Variants in MAP6 observed in about 807,000 individuals in gnomAD.
MAP6 encodes the protein microtubule-associated protein 6.
A neutral mutation model predicts 42.4 loss-of-function variants in MAP6; 26 were observed. The observed-to-expected ratio is 0.61, with a 90% CI of 0.45 to 0.85. MAP6 has a LOEUF of 0.85. MAP6 is among the 40% of genes least tolerant of loss of function. The pLI is 0.00. For missense variants in MAP6, 966 were observed against 1,099.0 expected, an observed-to-expected ratio of 0.88 and a Z score of 1.71; for synonymous variants, 418 against 443.8, an observed-to-expected ratio of 0.94 and a Z score of 0.73.
intron 1 of MAP6, among the ~76,000 whole-genome samples, chr11:75,626,962 A>G (rs373969252): frequency 7.6e-4 from 116 of 152,378 alleles, no homozygotes; most frequent in African/African-American, 2.8e-3. Context: ...AACCACTGGC[A>G]GGAGGCGATG....
Position 75,605,187 on chromosome 11 carries a change from C to T in MAP6, c.1316+621G>A, listed in dbSNP as rs200322447. On this transcript the variant is annotated intron_variant, in intron 3 of 3. Coordinates refer to ENST00000304771, the MANE Select transcript of MAP6 (RefSeq NM_033063.2). ...GACTCGGTATACAATTTAAAGCCCA[C>T]TGATAGGAAGCTAAACACAGGCACA... is the stretch of plus-strand genomic sequence containing the variant. 95 of 985,458 alleles carry T rather than the reference C, an allele frequency of 9.6e-5. No homozygotes were observed. The African/African-American group carries it at 1.3e-3, about 13-fold the overall frequency. 61.0% of individuals were successfully genotyped at this position (985,458 alleles called of 1,614,324 possible).
At chr11:75,620,782 T>C (rs1943093897) in intron 1 of MAP6, among the ~76,000 whole-genome samples, 1 of 152,144 alleles carries the variant, frequency 6.6e-6, no homozygotes, top group African/African-American at 2.4e-5. Flanking sequence ...TAATACATCA[T>C]ACAGTAACAG....
At chr11:75,604,114 TC>T in intron 3 of MAP6, 7 of 985,898 alleles carry the variant, frequency 7.1e-6, no homozygotes, top group Non-Finnish European at 7.2e-6. Flanking sequence ...TACTTCTCCT[TC>T]CTCACAGTTT....
chr11:75,601,154 C>T (rs920825086), intron 3 of MAP6, among the ~76,000 whole-genome samples: 2 of 152,216 alleles, frequency 1.3e-5, no homozygotes, highest in African/African-American at 2.4e-5. Flanking sequence ...CTGCCTTCTC[C>T]ATTGCCCAAC....
intron 1 of MAP6, among the ~76,000 whole-genome samples, chr11:75,655,585 TGGA>T (rs1488009773): frequency 6.6e-6 from 1 of 152,226 alleles, no homozygotes; most frequent in Non-Finnish European, 1.5e-5. Flanking sequence ...GGCCTTGCCC[TGGA>T]GGAGAAGGGA....
At chr11:75,593,125 G>A (rs1942509864) in intron 3 of MAP6, among the ~76,000 whole-genome samples, 1 of 152,138 alleles carries the variant, frequency 6.6e-6, no homozygotes, top group African/African-American at 2.4e-5. Context: ...CTAATTCCTT[G>A]TATTCTTTTG....
intron 1 of MAP6, among the ~76,000 whole-genome samples, chr11:75,628,951 T>C (rs976129645): frequency 1.3e-5 from 2 of 152,208 alleles, no homozygotes; most frequent in African/African-American, 4.8e-5. Flanking sequence ...CCCTGCAAGA[T>C]AGAAGTTACT....
At chr11:75,598,048 A>G (rs946839916) in intron 3 of MAP6, among the ~76,000 whole-genome samples, 1 of 152,190 alleles carries the variant, frequency 6.6e-6, no homozygotes, top group Non-Finnish European at 1.5e-5. Context: ...AGGCCTGGGA[A>G]TCAGGTATCC....
intron 1 of MAP6, among the ~76,000 whole-genome samples, chr11:75,652,089 T>A (rs1172710399): frequency 6.6e-6 from 1 of 152,244 alleles, no homozygotes; most frequent in Non-Finnish European, 1.5e-5. Context: ...TTATAAAAGA[T>A]TCTATTCAAT....
intron 3 of MAP6, among the ~76,000 whole-genome samples, chr11:75,590,823 T>C (rs1276050100): frequency 1.3e-5 from 2 of 151,980 alleles, no homozygotes; most frequent in Non-Finnish European, 2.9e-5. Flanking sequence ...AAAAATTAGC[T>C]GGGTGTGGTG....
chr11:75,658,939 G>A (rs1385329127), intron 1 of MAP6, among the ~76,000 whole-genome samples: 1 of 152,124 alleles, frequency 6.6e-6, no homozygotes, highest in African/African-American at 2.4e-5. Flanking sequence ...ACCATGCCCT[G>A]CACAGATATT....
chr11:75,609,374 A>T (rs1942846720), intron 1 of MAP6, among the ~76,000 whole-genome samples: 1 of 152,130 alleles, frequency 6.6e-6, no homozygotes, highest in Admixed American at 6.5e-5. Context: ...GGGCATGAAT[A>T]TCTGTGGAGT....
In MAP6 at chr11:75,632,770, G is replaced by T. The variant is rs144539173; in HGVS notation, c.906-24448C>A. Among the ~76,000 whole-genome samples the T allele has an allele frequency of 2.0e-3, 307 of 152,216 alleles. 1 individual carries two copies. The highest frequency in any genetic ancestry group is 2.4e-3 in the Non-Finnish European group (163 of 68,010). On this transcript the variant is annotated intron_variant, in intron 1 of 3. Transcript: ENST00000304771. ...GAAATTAGAGTCATCTATCCATCCAGCCAGCCAGCCAGTAATTCATAGAAC... is the reference window on the plus strand; with the variant it reads ...GAAATTAGAGTCATCTATCCATCCATCCAGCCAGCCAGTAATTCATAGAAC...
intron 1 of MAP6, among the ~76,000 whole-genome samples, chr11:75,642,127 T>C (rs1361700321): frequency 6.6e-6 from 1 of 152,264 alleles, no homozygotes; most frequent in Admixed American, 6.5e-5. Context: ...TGAGGTGATG[T>C]CCATCTACTG....
At chr11:75,622,926 A>G (rs894679625) in intron 1 of MAP6, among the ~76,000 whole-genome samples, 1 of 152,250 alleles carries the variant, frequency 6.6e-6, no homozygotes, top group East Asian at 1.9e-4. Context: ...TGGTAGCTTG[A>G]AAGCATCCAT....
At chr11:75,600,086 A>G (rs1837193750) in intron 3 of MAP6, among the ~76,000 whole-genome samples, 1 of 152,214 alleles carries the variant, frequency 6.6e-6, no homozygotes, top group South Asian at 2.1e-4. Flanking sequence ...GTGTATTACT[A>G]ACAGCTAAGT....
At chr11:75,656,330 C>G (rs1463716353) in intron 1 of MAP6, among the ~76,000 whole-genome samples, 1 of 152,200 alleles carries the variant, frequency 6.6e-6, no homozygotes, top group Admixed American at 6.5e-5. Flanking sequence ...TACACCAGGC[C>G]TAATCCTGCA....
At chr11:75,626,606 C>T (rs534188306) in intron 1 of MAP6, among the ~76,000 whole-genome samples, 1 of 152,264 alleles carries the variant, frequency 6.6e-6, no homozygotes, top group South Asian at 2.1e-4. Flanking sequence ...TTATTTAAGG[C>T]ATTTATTGAG....
intron 1 of MAP6, among the ~76,000 whole-genome samples, chr11:75,647,780 A>AT (rs919845017): frequency 1.6e-4 from 24 of 152,296 alleles, no homozygotes; most frequent in African/African-American, 5.8e-4. Context: ...TCCCAACAGT[A>AT]TTTTTTTGCA....
Sources: allele counts gnomAD v4.1 joint callset (sites outside exome capture counted in the v4.1 genomes callset), GRCh38; gene constraint gnomAD v4.1.1; transcripts MANE v1.5; gene names NCBI Gene and HGNC (gene_info 2026-07-23, HGNC 2026-07-21).